The following ADGB variants were observed in gnomAD, a reference collection of about 807,000 sequenced individuals.
The protein encoded by ADGB is androglobin.
Under a neutral mutation model 210.5 loss-of-function variants are expected in ADGB, and 172 were observed. The observed-to-expected ratio is 0.82, with a 90% confidence interval of 0.72 to 0.93. ADGB has a LOEUF of 0.93. Among genes scored for constraint, ADGB ranks in the 40% least tolerant of loss-of-function variants. The pLI, the probability that ADGB is intolerant of heterozygous loss-of-function variation, is 0.00. For synonymous variants in ADGB, 658 were observed against 662.7 expected (o/e 0.99, Z 0.11); for missense variants, 2,025 against 1,964.8 (o/e 1.03, Z -0.58).
At chr6:146,715,947 A>T (rs1776726346) in intron 14 of ADGB, among the ~76,000 whole-genome samples, 1 of 151,748 alleles carries the variant, frequency 6.6e-6, no homozygotes, top group South Asian at 2.1e-4. Flanking sequence ...GTGTGCCTGT[A>T]ATCCCAGCTA....
chr6:146,706,532 A>G (rs1488092559), intron 13 of ADGB, among the ~76,000 whole-genome samples: 1 of 152,142 alleles, frequency 6.6e-6, no homozygotes, highest in Non-Finnish European at 1.5e-5. Flanking sequence ...TGCTGGGATT[A>G]CAGACATAAG....
chr6:146,752,325 A>G (rs940929926), intron 26 of ADGB, among the ~76,000 whole-genome samples: 2 of 152,082 alleles, frequency 1.3e-5, no homozygotes, highest in African/African-American at 4.8e-5. Flanking sequence ...TGTCATGTGA[A>G]TGGCACCAAG....
chr6:146,695,303 G>A (rs946738507), intron 12 of ADGB, among the ~76,000 whole-genome samples: 1 of 151,802 alleles, frequency 6.6e-6, no homozygotes, highest in African/African-American at 2.4e-5. Context: ...TAATTTTCTG[G>A]GTGTAATGAG....
At position 146,801,901 on chromosome 6, in the gene ADGB, A is replaced by G; in HGVS notation, c.4708A>G (p.Ile1570Val). 6.4e-7 allele frequency: 1 copy of G among 1,551,412 alleles called. No homozygotes were observed. Among genetic ancestry groups the G allele is most frequent in the Non-Finnish European group, 8.7e-7 (1 of 1,146,826 alleles). ...QQQAMQKAEE[I>V]HQFRQHRTRV... ...GCAGGCAATGCAAAAGGCGGAAGAAATTCATCAGTTTCGACAGCATAGGAC... is the reference window on the plus strand; with the variant it reads ...GCAGGCAATGCAAAAGGCGGAAGAAGTTCATCAGTTTCGACAGCATAGGAC... The change falls in exon 35 of 36, where the codon ATT becomes GTT. Residue 1570 changes from isoleucine (I) to valine (V), a missense_variant. By Grantham distance (29) the Ile-to-Val change is conservative. Coordinates refer to ENST00000397944, the MANE Select transcript of ADGB (RefSeq NM_024694.4).
rs527442465 is a variant in ADGB at position 146,638,067 on chromosome 6, G to C, written c.237+2530G>C. Among the ~76,000 whole-genome samples the C allele has an allele frequency of 2.0e-5, 3 of 152,140 alleles. No individual in the cohort carries two copies. The East Asian group carries it at 5.8e-4, about 29-fold the overall frequency. On this transcript the variant is annotated intron_variant, in intron 2 of 35. Coordinates refer to ENST00000397944, the MANE Select transcript of ADGB (RefSeq NM_024694.4). ...ATCAAGTAGGCTTCACTCGCAGGAT[G>C]CAAGTTTGGTTCAACAGACACAAAT... is the stretch of plus-strand genomic sequence containing the variant.
chr6:146,611,074 T>C (rs558387439), intron 1 of ADGB, among the ~76,000 whole-genome samples: 1 of 151,976 alleles, frequency 6.6e-6, no homozygotes, highest in African/African-American at 2.4e-5. Flanking sequence ...GGCCGAGTTG[T>C]GTTGCGGGGT....
intron 9 of ADGB, 104 bp downstream of exon 9, chr6:146,676,545 T>TGG (rs1776087278): frequency 9.2e-7 from 1 of 1,092,262 alleles, no homozygotes; most frequent in Non-Finnish European, 1.2e-6. Flanking sequence ...AATAACTAAA[T>TGG]AAACTTAGTC....
chr6:146,776,950 C>T lies in ADGB; in HGVS notation c.3863-5070C>T, dbSNP rs117671447. On this transcript the variant is annotated intron_variant, in intron 29 of 35. Transcript: ENST00000397944. The stretch of plus-strand genomic sequence containing the variant: ...CAGAATTCACCTCTAGGTCATTTGA[C>T]TATTGGACCAAAGGATTTTCCCCAC... 1.4e-4 allele frequency among the ~76,000 whole-genome samples: 21 copies of T among 151,976 alleles called. No homozygotes were observed. The East Asian group carries it at 3.9e-3, about 28-fold the overall frequency.
intron 1 of ADGB, among the ~76,000 whole-genome samples, chr6:146,631,812 AATAGGGTGTTC>A (rs1781069648): frequency 6.6e-6 from 1 of 152,076 alleles, no homozygotes; most frequent in Non-Finnish European, 1.5e-5. Flanking sequence ...ACCTTGCTAT[AATAGGGTGTTC>A]ATGAAAGTCC....
intron 29 of ADGB, among the ~76,000 whole-genome samples, chr6:146,780,709 A>G (rs1777785895): frequency 6.6e-6 from 1 of 152,236 alleles, no homozygotes; most frequent in African/African-American, 2.4e-5. Context: ...AAAAACTGAC[A>G]GAATTGAAAG....
intron 6 of ADGB, among the ~76,000 whole-genome samples, chr6:146,664,805 A>G (rs537337765): frequency 2.2e-4 from 34 of 152,042 alleles, no homozygotes; most frequent in Non-Finnish European, 1.9e-4. Context: ...TTTTGGTAAC[A>G]TTGCTCACTT....
chr6:146,784,858 T>C, intron 31 of ADGB, 64 bp downstream of exon 31: 1 of 1,459,094 alleles, frequency 6.9e-7, no homozygotes, highest in South Asian at 1.4e-5. Flanking sequence ...CTGAAAAAAA[T>C]AGTCATGCTG....
intron 29 of ADGB, among the ~76,000 whole-genome samples, chr6:146,771,479 G>A (rs1211570930): frequency 1.3e-5 from 2 of 151,642 alleles, no homozygotes; most frequent in Non-Finnish European, 2.9e-5. Context: ...TTTTGTTCTC[G>A]CTTAAAGTAA....
At chr6:146,635,269 A>C in intron 1 of ADGB, 106 bp from the exon 2 acceptor site, 1 of 998,156 alleles carries the variant, frequency 1.0e-6, no homozygotes, top group South Asian at 3.8e-5. Context: ...AAATGTAGTT[A>C]GTATGACTCA....
At chr6:146,621,251 G>A (rs1780889165) in intron 1 of ADGB, among the ~76,000 whole-genome samples, 1 of 152,110 alleles carries the variant, frequency 6.6e-6, no homozygotes, top group Non-Finnish European at 1.5e-5. Flanking sequence ...CCCATGGATT[G>A]TGCCATCTGT....
chr6:146,784,488 C>A, intron 30 of ADGB, 130 bp from the exon 31 acceptor site: 1 of 765,412 alleles, frequency 1.3e-6, no homozygotes. Context: ...TCGTACAAGT[C>A]TTTTGTGAAT....
chr6:146,617,308 C>T (rs907565164), intron 1 of ADGB, among the ~76,000 whole-genome samples: 4 of 151,962 alleles, frequency 2.6e-5, no homozygotes, highest in Non-Finnish European at 5.9e-5. Flanking sequence ...CTGCAACTTT[C>T]CTGAATTCAT....
At chr6:146,761,984 T>C (rs1163328106) in intron 27 of ADGB, among the ~76,000 whole-genome samples, 1 of 152,102 alleles carries the variant, frequency 6.6e-6, no homozygotes, top group Non-Finnish European at 1.5e-5. Context: ...CTTATTTGTA[T>C]GTCTCCATGT....
At position 146,692,833 on chromosome 6, in the gene ADGB, G is replaced by A. The variant is rs1477448742; in HGVS notation, c.1495G>A (p.Val499Ile). Residue 499 changes from valine (V) to isoleucine (I), a missense_variant, in exon 12 of 36, where the codon GTA becomes ATA. By Grantham distance (29) the Val-to-Ile change is conservative. Coordinates refer to ENST00000397944, the MANE Select transcript of ADGB (RefSeq NM_024694.4). Reference protein sequence around the residue: ...VITDEAQELIVKKPERFLEIS... With the variant: ...VITDEAQELIIKKPERFLEIS... ...TAACTGCTACTTTTTAGAGTTAATA[G>A]TAAAGAAGCCTGAACGGTTCCTTGA... 6 of 1,520,366 alleles carry A rather than the reference G, an allele frequency of 3.9e-6. No individual in the cohort carries two copies. In the South Asian group the frequency reaches 7.5e-5, roughly 19 times the overall value. The allele number at this position is 1,520,366 out of a possible 1,614,324, so 94.2% of individuals were successfully genotyped here.
Sources: allele counts gnomAD v4.1 joint callset (sites outside exome capture counted in the v4.1 genomes callset), GRCh38; gene constraint gnomAD v4.1.1; transcripts MANE v1.5; gene names NCBI Gene and HGNC (gene_info 2026-07-23, HGNC 2026-07-21).